The following MAGI2 variants were observed in gnomAD, a reference collection of about 807,000 sequenced individuals.
MAGI2 encodes the protein membrane-associated guanylate kinase, WW and PDZ domain-containing protein 2.
MAGI2 carries 35 observed loss-of-function variants against 133.3 expected under a neutral mutation model. The observed-to-expected ratio is 0.26, with a 90% CI of 0.20 to 0.35. The LOEUF (loss-of-function observed/expected upper bound fraction) is 0.35. Ranked by LOEUF, MAGI2 falls within the 10% of genes least tolerant of loss-of-function variation. MAGI2 has a pLI of 1.00. For synonymous variants in MAGI2, 729 were observed against 710.6 expected, an observed-to-expected ratio of 1.03 and a Z score of -0.41; for missense variants, 1,636 against 1,863.4, an observed-to-expected ratio of 0.88 and a Z score of 2.25.
At chr7:78,672,521 A>G (rs1814517096) in intron 2 of MAGI2, among the ~76,000 whole-genome samples, 2 of 152,188 alleles carry the variant, frequency 1.3e-5, no homozygotes, top group South Asian at 4.1e-4. Flanking sequence ...TGTTCTCTGG[A>G]TACCCATTCA....
At chr7:78,435,297 G>A (rs1800174193) in intron 6 of MAGI2, among the ~76,000 whole-genome samples, 1 of 152,108 alleles carries the variant, frequency 6.6e-6, no homozygotes, top group South Asian at 2.1e-4. Context: ...TTTAAGAAGA[G>A]TTGCTCTCCC....
intron 2 of MAGI2, among the ~76,000 whole-genome samples, chr7:78,667,328 G>A (rs147341191): frequency 4.7e-5 from 7 of 148,178 alleles, no homozygotes; most frequent in South Asian, 4.2e-4. Context: ...AAAACAAAGC[G>A]TGCAGTATTG....
At chr7:79,319,339 C>T (rs1219747953) in intron 1 of MAGI2, among the ~76,000 whole-genome samples, 4 of 152,110 alleles carry the variant, frequency 2.6e-5, no homozygotes, top group Non-Finnish European at 4.4e-5. Flanking sequence ...ATTTCAGATG[C>T]TTGCTTTTCA....
rs1825878152 is a variant in MAGI2 at position 79,174,212 on chromosome 7, T to C, written c.302-167006A>G. On this transcript the variant is annotated intron_variant, in intron 1 of 21. Transcript: ENST00000354212. ...AAAGTTTGAATACCTCTCCAATAAA[T>C]AATTTGGGGTAATTAATTAATTGAA... Among the ~76,000 whole-genome samples the C allele has an allele frequency of 2.0e-5, 3 of 152,042 alleles. No homozygotes were observed. In the South Asian group the frequency reaches 6.2e-4, roughly 31 times the overall value.
intron 10 of MAGI2, among the ~76,000 whole-genome samples, chr7:78,245,827 A>G (rs1477292145): frequency 2.6e-5 from 4 of 152,126 alleles, no homozygotes; most frequent in Non-Finnish European, 5.9e-5. Context: ...CCTCCAGAAA[A>G]GAAGCCGACA....
intron 9 of MAGI2, among the ~76,000 whole-genome samples, chr7:78,297,049 C>G (rs1325461150): frequency 6.6e-6 from 1 of 152,186 alleles, no homozygotes; most frequent in Non-Finnish European, 1.5e-5. Context: ...AAAGGGCTTA[C>G]AGCAAATTTC....
chr7:78,550,206 T>C (rs1799217631), intron 3 of MAGI2, among the ~76,000 whole-genome samples: 1 of 152,222 alleles, frequency 6.6e-6, no homozygotes, highest in Non-Finnish European at 1.5e-5. Flanking sequence ...TTACAGTATT[T>C]TGTTATAGCA....
intron 1 of MAGI2, among the ~76,000 whole-genome samples, chr7:79,280,539 A>G (rs1422092177): frequency 6.6e-6 from 1 of 152,148 alleles, no homozygotes; most frequent in African/African-American, 2.4e-5. Flanking sequence ...GAATAAGATT[A>G]CTTGTTGGGA....
chr7:78,288,722 G>A (rs766015532), intron 9 of MAGI2, among the ~76,000 whole-genome samples: 10 of 152,188 alleles, frequency 6.6e-5, no homozygotes, highest in Non-Finnish European at 1.2e-4. Flanking sequence ...CTGGCACCTC[G>A]TGCAGCCGGG....
At chr7:78,490,013 G>A (rs1185002765) in intron 5 of MAGI2, 173 bp from the exon 6 acceptor site, 5 of 497,468 alleles carry the variant, frequency 1.0e-5, no homozygotes, top group African/African-American at 1.9e-5. Flanking sequence ...CAAGGCAGCT[G>A]TAAATTTGGC....
rs533551893 is a variant in MAGI2, at chr7:79,088,548, T to C, written c.302-81342A>G. Among the ~76,000 whole-genome samples, 3 of 152,264 alleles carry C rather than the reference T, an allele frequency of 2.0e-5. No individual in the cohort carries two copies. The South Asian group carries it at 6.2e-4, about 32-fold the overall frequency. ...CTGGCCAGAACGTCCAATAATATGT[T>C]GAATAGGAGTGATGAGAGAGGGCAT... On this transcript the variant is annotated intron_variant, in intron 1 of 21. Transcript: ENST00000354212.
At chr7:78,969,701 G>A (rs897111496) in intron 2 of MAGI2, among the ~76,000 whole-genome samples, 14 of 151,812 alleles carry the variant, frequency 9.2e-5, no homozygotes, top group Non-Finnish European at 1.8e-4. Context: ...TGTGCAGTAG[G>A]GTTCTCATTT....
intron 3 of MAGI2, among the ~76,000 whole-genome samples, chr7:78,581,962 G>A: frequency 6.6e-6 from 1 of 152,160 alleles, no homozygotes; most frequent in East Asian, 1.9e-4. Context: ...TATATGGAGA[G>A]CACCTCTTAC....
At chr7:78,406,818 AG>A (rs1797421394) in intron 6 of MAGI2, among the ~76,000 whole-genome samples, 1 of 152,132 alleles carries the variant, frequency 6.6e-6, no homozygotes, top group African/African-American at 2.4e-5. Context: ...AACATCTGGA[AG>A]AGTGAAAGGG....
chr7:78,295,699 G>A lies in MAGI2; in HGVS notation c.1409-39118C>T, dbSNP rs1244491031. 3.9e-5 allele frequency among the ~76,000 whole-genome samples: 6 copies of A among 152,092 alleles called. No individual in the cohort carries two copies. The South Asian group carries it at 6.2e-4, about 16-fold the overall frequency. On this transcript the variant is annotated intron_variant, in intron 9 of 21. Coordinates refer to ENST00000354212, the MANE Select transcript of MAGI2 (RefSeq NM_012301.4). ...TTTTAGTCCATAGATAATCTCATCC[G>A]ATCCCATGGATTTCAATGTCATCTA...
intron 10 of MAGI2, among the ~76,000 whole-genome samples, chr7:78,243,715 T>C (rs1791434595): frequency 6.6e-6 from 1 of 152,162 alleles, no homozygotes; most frequent in Non-Finnish European, 1.5e-5. Context: ...GATCATGTTT[T>C]ATAGAACTAG....
chr7:78,565,551 T>G (rs1800861444), intron 3 of MAGI2, among the ~76,000 whole-genome samples: 1 of 151,898 alleles, frequency 6.6e-6, no homozygotes, highest in African/African-American at 2.4e-5. Flanking sequence ...ACTTAATAAC[T>G]GTTCATCTAG....
chr7:78,516,331 T>C (rs1221778459), intron 4 of MAGI2, among the ~76,000 whole-genome samples: 1 of 152,122 alleles, frequency 6.6e-6, no homozygotes, highest in Admixed American at 6.5e-5. Context: ...GTTTTGAGGA[T>C]AGTTGCATGA....
chr7:78,443,638 G>A (rs1449080200), intron 6 of MAGI2, among the ~76,000 whole-genome samples: 1 of 151,732 alleles, frequency 6.6e-6, no homozygotes, highest in Non-Finnish European at 1.5e-5. Context: ...CTCTTTTCTA[G>A]AGGAAAATCA....
Sources: gnomAD v4.1 joint callset for allele counts (sites outside exome capture counted in the v4.1 genomes callset) on GRCh38, gnomAD v4.1.1 for gene constraint, MANE v1.5 for transcripts, NCBI Gene and HGNC (gene_info 2026-07-23, HGNC 2026-07-21) for gene names.